SAMD4A: variants seen among roughly 807,000 people sequenced by gnomAD.
SAMD4A encodes sterile alpha motif domain containing 4A, also known as protein Smaug homolog 1.
SAMD4A carries 33 observed loss-of-function variants against 81.3 expected under a neutral mutation model. The ratio of observed to expected loss-of-function variants is 0.41; its 90% CI spans 0.31 to 0.54. The LOEUF (loss-of-function observed/expected upper bound fraction) is 0.54, where lower values mean the gene tolerates loss of function less well. SAMD4A is among the 20% of genes least tolerant of loss of function. The pLI is 0.37. For missense variants in SAMD4A, 854 were observed against 951.1 expected, an observed-to-expected ratio of 0.90 and a Z score of 1.34; for synonymous variants, 389 against 382.1, an observed-to-expected ratio of 1.02 and a Z score of -0.21.
intron 2 of SAMD4A, among the ~76,000 whole-genome samples, chr14:54,619,311 C>T (rs892963110): frequency 3.9e-5 from 6 of 152,160 alleles, no homozygotes; most frequent in African/African-American, 1.2e-4. Flanking sequence ...TTTAATCCCT[C>T]GGGGTAGGAG....
intron 6 of SAMD4A, chr14:54,754,801 G>A: frequency 1.0e-6 from 1 of 987,308 alleles, no homozygotes; most frequent in Non-Finnish European, 1.2e-6. Flanking sequence ...AGTGGTGGCT[G>A]TCTGAGTTCT....
intron 2 of SAMD4A, among the ~76,000 whole-genome samples, chr14:54,585,874 A>T (rs1005361961): frequency 4.6e-5 from 7 of 152,066 alleles, no homozygotes; most frequent in Non-Finnish European, 8.8e-5. Context: ...TATTTTTGCC[A>T]TTGCAAATTG....
intron 2 of SAMD4A, among the ~76,000 whole-genome samples, chr14:54,603,017 G>C (rs1449923513): frequency 6.6e-6 from 1 of 152,174 alleles, no homozygotes; most frequent in South Asian, 2.1e-4. Context: ...TTGCACATTA[G>C]AGTTTGAGGA....
intron 2 of SAMD4A, among the ~76,000 whole-genome samples, chr14:54,578,114 C>G (rs762605496): frequency 2.0e-5 from 3 of 152,140 alleles, no homozygotes; most frequent in Admixed American, 6.5e-5. Flanking sequence ...TTATTCTTCT[C>G]AATAACCCTA....
intron 2 of SAMD4A, chr14:54,687,258 T>C: frequency 2.3e-6 from 1 of 429,112 alleles, no homozygotes; most frequent in South Asian, 1.7e-5. Flanking sequence ...AGATGGATCC[T>C]GCCCCTCCAT....
intron 12 of SAMD4A, among the ~76,000 whole-genome samples, chr14:54,786,939 G>A (rs372649435): frequency 2.0e-5 from 3 of 152,096 alleles, no homozygotes; most frequent in Non-Finnish European, 4.4e-5. Context: ...GGGAAGCCTC[G>A]TAAGCAGTTT....
At chr14:54,743,036 A>C (rs1394035628) in intron 4 of SAMD4A, among the ~76,000 whole-genome samples, 2 of 152,212 alleles carry the variant, frequency 1.3e-5, no homozygotes, top group South Asian at 2.1e-4. Flanking sequence ...CTCCAGAATG[A>C]GAATGGAAAA....
rs943312883 is a variant in SAMD4A at position 54,793,205 on chromosome 14, A to G, written c.*4261A>G. 3 of 152,230 alleles carry G rather than the reference A, an allele frequency of 2.0e-5. No homozygotes were observed. The highest frequency in any genetic ancestry group is 7.2e-5 in the African/African-American group (3 of 41,452). The allele number at this position is 152,230 out of a possible 1,614,324, so 9.4% of individuals were successfully genotyped here. On this transcript the variant is annotated 3_prime_UTR_variant, in exon 13 of 13. Transcript: ENST00000554335. Reference sequence around the variant, plus strand: ...ACCCTTGTGGTTTAAACTTGCTACAATGTATTTATTATTCATTTCCTCCCA... The same window carrying G: ...ACCCTTGTGGTTTAAACTTGCTACAGTGTATTTATTATTCATTTCCTCCCA...
At chr14:54,729,676 A>C (rs2037510414) in intron 3 of SAMD4A, among the ~76,000 whole-genome samples, 2 of 152,242 alleles carry the variant, frequency 1.3e-5, no homozygotes, top group South Asian at 4.1e-4. Flanking sequence ...AAGTTAACCC[A>C]GTATGAAGGA....
intron 2 of SAMD4A, among the ~76,000 whole-genome samples, chr14:54,583,564 C>A (rs967204282): frequency 6.6e-6 from 1 of 152,110 alleles, no homozygotes; most frequent in South Asian, 2.1e-4. Context: ...TATCCTTCTC[C>A]CTTTGATTGA....
At chr14:54,758,617 G>T (rs2038308477) in intron 6 of SAMD4A, among the ~76,000 whole-genome samples, 1 of 152,190 alleles carries the variant, frequency 6.6e-6, no homozygotes, top group African/African-American at 2.4e-5. Context: ...ACCACCTGGG[G>T]TCAGAAGTTC....
chr14:54,763,864 TTGAGTGTGTAGGTGAGCC>T (rs1442355310), intron 7 of SAMD4A, among the ~76,000 whole-genome samples: 1 of 152,194 alleles, frequency 6.6e-6, no homozygotes, highest in African/African-American at 2.4e-5. Context: ...TAGCACTGAC[TTGAGTGTGTAGGTGAGCC>T]TGCGCCTGTG....
In SAMD4A at chr14:54,608,015, CAA is replaced by C. The variant is rs765121682; in HGVS notation, c.196+39923_196+39924del. On this transcript the variant is annotated intron_variant, in intron 2 of 12. Transcript: ENST00000554335. Reference sequence around the variant, plus strand: ...TGGGTGACAGAGCAAGACTCCGTCTCAAAAAAAAAAAAAAAAAAAAATTGGAA... The same window carrying C: ...TGGGTGACAGAGCAAGACTCCGTCTCAAAAAAAAAAAAAAAAAAATTGGAA... Among the ~76,000 whole-genome samples the C allele has an allele frequency of 2.6e-3, 157 of 60,664 alleles. 1 individual carries two copies. Among genetic ancestry groups the C allele is most frequent in the African/African-American group, 7.7e-3 (128 of 16,582 alleles). 39.8% of individuals were successfully genotyped at this position (60,664 alleles called of 152,430 possible).
intron 11 of SAMD4A, among the ~76,000 whole-genome samples, chr14:54,778,251 G>A (rs538784630): frequency 3.9e-5 from 6 of 152,244 alleles, no homozygotes; most frequent in African/African-American, 1.2e-4. Context: ...ATCTTAACTG[G>A]GAAGACTAGG....
intron 2 of SAMD4A, among the ~76,000 whole-genome samples, chr14:54,619,868 G>A (rs1311459558): frequency 1.3e-5 from 2 of 152,138 alleles, no homozygotes; most frequent in East Asian, 3.9e-4. Context: ...TATGTACTCA[G>A]CCTATTTTGT....
chr14:54,723,745 G>GT (rs1425171103), intron 3 of SAMD4A, among the ~76,000 whole-genome samples: 2 of 152,148 alleles, frequency 1.3e-5, no homozygotes, highest in African/African-American at 4.8e-5. Context: ...GTGCAGCCTT[G>GT]TTTTTTATGA....
At chr14:54,592,890 G>A (rs909770542) in intron 2 of SAMD4A, among the ~76,000 whole-genome samples, 23 of 151,948 alleles carry the variant, frequency 1.5e-4, no homozygotes, top group African/African-American at 4.8e-4. Flanking sequence ...ATGTTTATGC[G>A]TGTTTTTAAC....
chr14:54,582,948 T>G (rs1004814770), intron 2 of SAMD4A, among the ~76,000 whole-genome samples: 5 of 152,062 alleles, frequency 3.3e-5, no homozygotes, highest in South Asian at 2.1e-4. Context: ...TTAAAAGATG[T>G]TTTTTTTCTT....
At chr14:54,713,882 T>C (rs901680890) in intron 3 of SAMD4A, among the ~76,000 whole-genome samples, 3 of 152,184 alleles carry the variant, frequency 2.0e-5, no homozygotes, top group Non-Finnish European at 4.4e-5. Flanking sequence ...GTCCAGTTTT[T>C]CCAATAACTA....
Sources: allele counts gnomAD v4.1 joint callset (sites outside exome capture counted in the v4.1 genomes callset), GRCh38; gene constraint gnomAD v4.1.1; transcripts MANE v1.5; gene names NCBI Gene and HGNC (gene_info 2026-07-23, HGNC 2026-07-21).